The following PRUNE2 variants were observed in gnomAD, a reference collection of about 807,000 sequenced individuals.
PRUNE2 encodes protein prune homolog 2.
In PRUNE2, 164 loss-of-function variants were observed where a neutral mutation model predicts 252.0. The ratio of observed to expected loss-of-function variants is 0.65; its 90% confidence interval spans 0.57 to 0.74. The LOEUF is 0.74. Among genes scored for constraint, PRUNE2 ranks in the 30% least tolerant of loss-of-function variants. PRUNE2 has a pLI of 0.00. For missense variants in PRUNE2, 3,495 were observed against 3,711.0 expected (o/e 0.94, Z 1.51); for synonymous variants, 1,292 against 1,350.2 (o/e 0.96, Z 0.94).
At chr9:76,834,049 AT>A (rs754997684) in intron 4 of PRUNE2, among the ~76,000 whole-genome samples, 7 of 151,660 alleles carry the variant, frequency 4.6e-5, no homozygotes, top group Non-Finnish European at 1.0e-4. Context: ...CACCTGGCTA[AT>A]TTTTGTATTT....
intron 6 of PRUNE2, among the ~76,000 whole-genome samples, chr9:76,815,817 GTCAACA>G: frequency 6.6e-6 from 1 of 152,148 alleles, no homozygotes; most frequent in African/African-American, 2.4e-5. Flanking sequence ...GAGAAAAGTT[GTCAACA>G]GAAACATCAA....
chr9:76,713,086 T>A (rs1398773892), intron 7 of PRUNE2, among the ~76,000 whole-genome samples: 3 of 152,192 alleles, frequency 2.0e-5, no homozygotes, highest in East Asian at 1.9e-4. Context: ...CTTTTTTTTT[T>A]TTATTTCCTA....
Position 76,707,968 on chromosome 9 carries a change from T to G in PRUNE2, c.4306A>C (p.Ser1436Arg). The G allele has an allele frequency of 6.2e-7, 1 of 1,613,964 alleles. No individual in the cohort carries two copies. Among genetic ancestry groups the G allele is most frequent in the Non-Finnish European group, 8.5e-7 (1 of 1,179,874 alleles). The change falls in exon 8 of 19, where the codon AGT becomes CGT. Residue 1436 changes from serine (S) to arginine (R), a missense_variant. Physicochemically the swap from Ser to Arg is moderately radical, Grantham distance 110. Transcript: ENST00000376718. ...GTAGTTTCACCTGAATTTCTTTGAC[T>G]CATGAGGTGTTTTTCATGGGTATCT... is the stretch of plus-strand genomic sequence containing the variant. Reference protein sequence around the residue: ...PKDTHEKHLMSQRNSGETTET... With the variant: ...PKDTHEKHLMRQRNSGETTET...
chr9:76,638,425 T>C, intron 12 of PRUNE2, 137 bp from the exon 13 acceptor site: 2 of 634,480 alleles, frequency 3.2e-6, no homozygotes, highest in Non-Finnish European at 5.7e-6. Flanking sequence ...GGGATTATGT[T>C]GACTATAGGT....
chr9:76,768,069 C>G (rs1269435509), intron 6 of PRUNE2, among the ~76,000 whole-genome samples: 2 of 152,330 alleles, frequency 1.3e-5, no homozygotes, highest in Middle Eastern at 3.4e-3. Context: ...CACCTCCCAG[C>G]CCCACCAATC....
At chr9:76,644,379 C>T (rs1293549770) in intron 12 of PRUNE2, 1 of 290,422 alleles carries the variant, frequency 3.4e-6, no homozygotes, top group African/African-American at 2.2e-5. Flanking sequence ...TGTTATGACA[C>T]AGGCCATGGT....
chr9:76,704,131 G>T (rs1221758404), intron 8 of PRUNE2, 32 bp from the exon 9 acceptor site: 3 of 1,504,744 alleles, frequency 2.0e-6, no homozygotes, highest in Middle Eastern at 1.8e-4. Flanking sequence ...GAGAAGAGGA[G>T]AAAAAGGTTT....
chr9:76,678,180 C>G (rs551713936), intron 9 of PRUNE2, among the ~76,000 whole-genome samples: 2 of 151,648 alleles, frequency 1.3e-5, no homozygotes, highest in Admixed American at 1.3e-4. Flanking sequence ...GGCAAAACCC[C>G]GTCTCTACTA....
Position 76,709,568 on chromosome 9 carries a change from A to C in PRUNE2, c.2706T>G (p.Gly902=), listed in dbSNP as rs1418898469. Residue 902 remains glycine, a synonymous_variant, in exon 8 of 19, where the codon GGT becomes GGG. Coordinates refer to ENST00000376718, the MANE Select transcript of PRUNE2 (RefSeq NM_015225.3). ...TGCCCCTAGTTTTAGGATCCACTAAACCATTCTGATCTTCTTTTGGTGGCT... is the reference window on the plus strand; with the variant it reads ...TGCCCCTAGTTTTAGGATCCACTAACCCATTCTGATCTTCTTTTGGTGGCT... ...NSKPPKEDQN[G]LVDPKTRGKV... is the part of the protein sequence containing the mutation. The C allele has an allele frequency of 6.2e-7, 1 of 1,613,876 alleles. No homozygotes were observed. The highest frequency in any genetic ancestry group is 2.2e-5 in the East Asian group (1 of 44,880).
chr9:76,642,062 T>A, intron 12 of PRUNE2: 1 of 1,029,716 alleles, frequency 9.7e-7, no homozygotes, highest in Non-Finnish European at 1.4e-6. Flanking sequence ...TACTTGGCAT[T>A]ATTGTTCTCC....
At chr9:76,629,710 T>G (rs1836647754) in intron 15 of PRUNE2, among the ~76,000 whole-genome samples, 1 of 152,160 alleles carries the variant, frequency 6.6e-6, no homozygotes, top group Admixed American at 6.5e-5. Flanking sequence ...CTGGAACTTA[T>G]GCCTCTTAAC....
Position 76,625,042 on chromosome 9 carries a change from A to T in PRUNE2, c.9150-552T>A, listed in dbSNP as rs1388459801. 4 of 1,303,424 alleles carry T rather than the reference A, an allele frequency of 3.1e-6. No homozygotes were observed. In the South Asian group the frequency reaches 4.9e-5, roughly 16 times the overall value. The allele number at this position is 1,303,424 out of a possible 1,614,324, so 80.7% of individuals were successfully genotyped here. On this transcript the variant is annotated intron_variant, in intron 16 of 18. Coordinates refer to ENST00000376718, the MANE Select transcript of PRUNE2 (RefSeq NM_015225.3). ...TTTTACCTCACACTTCTCTTATAAG[A>T]TCTCTCTTCATCGTACCTTACAAGA... is the stretch of plus-strand genomic sequence containing the variant.
chr9:76,752,490 A>T (rs1449362450), intron 6 of PRUNE2, among the ~76,000 whole-genome samples: 4 of 152,104 alleles, frequency 2.6e-5, no homozygotes, highest in African/African-American at 9.7e-5. Context: ...GCTCATGACC[A>T]CATGAGATGT....
chr9:76,893,846 T>C (rs566578678), intron 1 of PRUNE2, among the ~76,000 whole-genome samples: 12 of 152,116 alleles, frequency 7.9e-5, no homozygotes, highest in African/African-American at 2.9e-4. Context: ...GAGCCAAGAG[T>C]AATGACACTT....
intron 4 of PRUNE2, among the ~76,000 whole-genome samples, chr9:76,828,821 G>T (rs1286930571): frequency 6.6e-6 from 1 of 152,048 alleles, no homozygotes; most frequent in Non-Finnish European, 1.5e-5. Flanking sequence ...TTTAAGACCA[G>T]CCTGCCCAAC....
At chr9:76,816,551 G>A (rs926257382) in intron 6 of PRUNE2, among the ~76,000 whole-genome samples, 6 of 152,042 alleles carry the variant, frequency 3.9e-5, no homozygotes, top group African/African-American at 1.2e-4. Flanking sequence ...GCCTCACACC[G>A]ACTGACTGTT....
chr9:76,870,385 G>A (rs1164476310), intron 1 of PRUNE2, among the ~76,000 whole-genome samples: 1 of 150,686 alleles, frequency 6.6e-6, no homozygotes, highest in Non-Finnish European at 1.5e-5. Context: ...GAGAGAACAT[G>A]CTAAAAAAAA....
chr9:76,769,243 C>A (rs1030583147), intron 6 of PRUNE2, among the ~76,000 whole-genome samples: 1 of 152,206 alleles, frequency 6.6e-6, no homozygotes, highest in Non-Finnish European at 1.5e-5. Context: ...AAATTATACA[C>A]ACTATTCTGC....
chr9:76,701,096 T>C (rs746310928), intron 9 of PRUNE2, among the ~76,000 whole-genome samples: 1 of 152,208 alleles, frequency 6.6e-6, no homozygotes, highest in African/African-American at 2.4e-5. Flanking sequence ...CAGGAGTTGC[T>C]GAAGCTCAGC....
Sources: gnomAD v4.1 joint callset for allele counts (sites outside exome capture counted in the v4.1 genomes callset) on GRCh38, gnomAD v4.1.1 for gene constraint, MANE v1.5 for transcripts, NCBI Gene and HGNC (gene_info 2026-07-23, HGNC 2026-07-21) for gene names.